THSD7A: variants seen among roughly 807,000 people sequenced by gnomAD.
The protein encoded by THSD7A is thrombospondin type-1 domain-containing protein 7A.
Under a neutral mutation model 231.3 loss-of-function variants are expected in THSD7A, and 96 were observed. The observed-to-expected ratio is 0.41, with a 90% CI of 0.35 to 0.49. THSD7A has a LOEUF of 0.49. THSD7A is among the 20% of genes least tolerant of loss of function. The pLI is 0.05. For missense variants in THSD7A, 2,290 were observed against 2,070.2 expected (o/e 1.11, Z -2.06); for synonymous variants, 940 against 743.3 (o/e 1.26, Z -4.30).
chr7:11,780,007 AGCCAAC>A (rs1783572923), intron 1 of THSD7A, among the ~76,000 whole-genome samples: 1 of 152,198 alleles, frequency 6.6e-6, no homozygotes, highest in Non-Finnish European at 1.5e-5. Context: ...TGACTTAAAC[AGCCAAC>A]ACTTGTTTTT....
chr7:11,668,677 G>C (rs753824626), intron 1 of THSD7A, among the ~76,000 whole-genome samples: 1 of 152,126 alleles, frequency 6.6e-6, no homozygotes, highest in Non-Finnish European at 1.5e-5. Context: ...GTCTGCCCTA[G>C]AGAGACTCAT....
intron 1 of THSD7A, among the ~76,000 whole-genome samples, chr7:11,790,605 A>C (rs1038150139): frequency 6.6e-6 from 1 of 151,936 alleles, no homozygotes; most frequent in Non-Finnish European, 1.5e-5. Flanking sequence ...TGTTTCTTAA[A>C]TTTTTTGCTG....
chr7:11,562,784 C>G (rs949641134), intron 4 of THSD7A, among the ~76,000 whole-genome samples: 6 of 152,014 alleles, frequency 3.9e-5, no homozygotes, highest in African/African-American at 1.2e-4. Flanking sequence ...CTTTGCAACT[C>G]CCTGCCATTA....
chr7:11,378,035 ATAAGCCAAT>A (rs370918660), intron 26 of THSD7A: 1 of 152,250 alleles, frequency 6.6e-6, no homozygotes, highest in African/African-American at 2.4e-5. Context: ...TATCAGCTAA[ATAAGCCAAT>A]TAAAGCAGGA....
intron 1 of THSD7A, among the ~76,000 whole-genome samples, chr7:11,664,199 G>T (rs113225053): frequency 3.7e-4 from 56 of 151,308 alleles, no homozygotes; most frequent in African/African-American, 1.3e-3. Context: ...GGAAGACCAA[G>T]AAATTATGTG....
chr7:11,713,703 G>C (rs1005543046), intron 1 of THSD7A, among the ~76,000 whole-genome samples: 5 of 151,288 alleles, frequency 3.3e-5, no homozygotes, highest in East Asian at 3.9e-4. Flanking sequence ...ATGACAGTTG[G>C]ATTGTAGAGC....
At position 11,456,159 on chromosome 7, in the gene THSD7A, A is replaced by G. The variant is rs973339111; in HGVS notation, c.2605+4503T>C. On this transcript the variant is annotated intron_variant, in intron 11 of 27. Coordinates refer to ENST00000423059, the MANE Select transcript of THSD7A (RefSeq NM_015204.3). ...ATGGCACATATTATATGAGACACACACATTCTCTCTTTTCTATGTGTACTT... is the reference window on the plus strand; with the variant it reads ...ATGGCACATATTATATGAGACACACGCATTCTCTCTTTTCTATGTGTACTT... Among the ~76,000 whole-genome samples, 8 of 152,010 alleles carry G rather than the reference A, an allele frequency of 5.3e-5. No homozygotes were observed. In the East Asian group the frequency reaches 1.5e-3, roughly 29 times the overall value.
At chr7:11,510,412 T>C (rs1024095711) in intron 6 of THSD7A, among the ~76,000 whole-genome samples, 1 of 152,224 alleles carries the variant, frequency 6.6e-6, no homozygotes, top group South Asian at 2.1e-4. Context: ...GAATCCTCCC[T>C]AACTCATTTT....
chr7:11,717,233 G>T (rs906014347), intron 1 of THSD7A, among the ~76,000 whole-genome samples: 8 of 151,722 alleles, frequency 5.3e-5, no homozygotes. Flanking sequence ...AGGTGGGTGT[G>T]TGAAAGACGG....
chr7:11,494,759 A>G (rs541122218), intron 6 of THSD7A, among the ~76,000 whole-genome samples: 5 of 152,202 alleles, frequency 3.3e-5, no homozygotes, highest in African/African-American at 1.2e-4. Context: ...TGTTCTCTAC[A>G]TCATATGATA....
intron 1 of THSD7A, among the ~76,000 whole-genome samples, chr7:11,712,609 A>G (rs1016517444): frequency 2.7e-5 from 4 of 148,580 alleles, no homozygotes; most frequent in Non-Finnish European, 5.9e-5. Flanking sequence ...GCTATTGACC[A>G]TCTTAGGTAT....
chr7:11,376,609 A>G lies in THSD7A; in HGVS notation c.4850T>C (p.Val1617Ala). 6.3e-7 allele frequency: 1 copy of G among 1,589,072 alleles called. No homozygotes were observed. The highest frequency in any genetic ancestry group is 8.6e-7 in the Non-Finnish European group (1 of 1,166,950). The change falls in exon 27 of 28, where the codon GTG (valine) becomes GCG (alanine). Residue 1617 changes from valine to alanine, a missense_variant. Val to Ala is a moderately conservative substitution (Grantham distance 64). Coordinates refer to ENST00000423059, the MANE Select transcript of THSD7A (RefSeq NM_015204.3). ...CATGGAGACAATAAAGATGAGTAAC[A>G]CAAATGCCCCAGCTGCTACACCGTA... is the stretch of plus-strand genomic sequence containing the variant. ...WVYGVAAGAF[V>A]LLIFIVSMIY...
At chr7:11,401,233 A>G (rs777206823) in intron 23 of THSD7A, among the ~76,000 whole-genome samples, 45 of 152,130 alleles carry the variant, frequency 3.0e-4, no homozygotes, top group Non-Finnish European at 5.4e-4. Context: ...TAAGCGTACA[A>G]ATAATGTGCT....
chr7:11,597,481 C>T (rs565773574), intron 2 of THSD7A, among the ~76,000 whole-genome samples: 8 of 152,238 alleles, frequency 5.3e-5, no homozygotes, highest in South Asian at 2.1e-4. Flanking sequence ...GCCATACGAC[C>T]CCCCATATCC....
At chr7:11,743,958 A>G (rs951893512) in intron 1 of THSD7A, among the ~76,000 whole-genome samples, 6 of 151,864 alleles carry the variant, frequency 4.0e-5, no homozygotes, top group Non-Finnish European at 7.4e-5. Context: ...CGTTCTTCCC[A>G]ATAACATCAC....
chr7:11,489,177 A>G (rs1488869966), intron 6 of THSD7A, among the ~76,000 whole-genome samples: 1 of 152,026 alleles, frequency 6.6e-6, no homozygotes, highest in Non-Finnish European at 1.5e-5. Context: ...CACAGTAAAT[A>G]TTTGTTGGAT....
rs141415364 is a variant in THSD7A at position 11,461,518 on chromosome 7, C to T, written c.2501+493G>A. ...AGATGATATATAGCTTCGATAACTA[C>T]AATTTTATTTGAGGTGATCACAAAT... On this transcript the variant is annotated intron_variant, in intron 10 of 27. Transcript: ENST00000423059. 1.4e-4 allele frequency among the ~76,000 whole-genome samples: 21 copies of T among 152,198 alleles called. 1 individual carries two copies. In the East Asian group the frequency reaches 4.1e-3, roughly 29 times the overall value.
intron 23 of THSD7A, among the ~76,000 whole-genome samples, chr7:11,387,875 T>A (rs1407101239): frequency 6.6e-6 from 1 of 152,222 alleles, no homozygotes; most frequent in African/African-American, 2.4e-5. Context: ...TATTTTGAGA[T>A]ATGTTTCATC....
At chr7:11,557,780 G>A (rs138068461) in intron 4 of THSD7A, among the ~76,000 whole-genome samples, 1 of 152,220 alleles carries the variant, frequency 6.6e-6, no homozygotes, top group African/African-American at 2.4e-5. Flanking sequence ...CATTGTGGGG[G>A]TGGGGAGTGC....
Sources: allele counts gnomAD v4.1 joint callset (sites outside exome capture counted in the v4.1 genomes callset), GRCh38; gene constraint gnomAD v4.1.1; transcripts MANE v1.5; gene names NCBI Gene and HGNC (gene_info 2026-07-23, HGNC 2026-07-21).